TASP1: variants seen among roughly 807,000 people sequenced by gnomAD.
TASP1 encodes taspase 1.
A neutral mutation model predicts 56.6 loss-of-function variants in TASP1; 16 were observed. That is an observed-to-expected ratio of 0.28 (90% CI 0.19 to 0.43). The LOEUF is 0.43. Ranked by LOEUF, TASP1 falls within the 20% of genes least tolerant of loss-of-function variation. The pLI is 1.00. For synonymous variants in TASP1, 179 were observed against 184.2 expected, an observed-to-expected ratio of 0.97 and a Z score of 0.23; for missense variants, 393 against 511.6, an observed-to-expected ratio of 0.77 and a Z score of 2.24.
intron 10 of TASP1, among the ~76,000 whole-genome samples, chr20:13,505,343 G>A (rs867081665): frequency 6.6e-6 from 1 of 152,046 alleles, no homozygotes; most frequent in Non-Finnish European, 1.5e-5. Context: ...TTTCAACAAT[G>A]GATAGATTAT....
chr20:13,169,812 C>A, the TASP1 span, among the ~76,000 whole-genome samples: 1 of 152,168 alleles, frequency 6.6e-6, no homozygotes, highest in Non-Finnish European at 1.5e-5. Flanking sequence ...TATTCCCCAA[C>A]CCATTTCACT....
At chr20:13,469,588 C>CCA (rs2044395103) in intron 11 of TASP1, among the ~76,000 whole-genome samples, 1 of 151,956 alleles carries the variant, frequency 6.6e-6, no homozygotes, top group Non-Finnish European at 1.5e-5. Flanking sequence ...ATTGAACTTC[C>CCA]CACACACACT....
At chr20:13,136,224 G>T in the TASP1 span, among the ~76,000 whole-genome samples, 1 of 152,076 alleles carries the variant, frequency 6.6e-6, no homozygotes, top group South Asian at 2.1e-4. Flanking sequence ...AAAGGAAGGA[G>T]AAAACTAAAG....
the TASP1 span, among the ~76,000 whole-genome samples, chr20:13,206,248 G>A: frequency 1.3e-5 from 2 of 152,234 alleles, no homozygotes; most frequent in Non-Finnish European, 2.9e-5. Flanking sequence ...CACACACTTG[G>A]TGGCATCTTC....
chr20:13,403,870 A>G (rs1043506716), intron 13 of TASP1, among the ~76,000 whole-genome samples: 7 of 152,152 alleles, frequency 4.6e-5, no homozygotes, highest in Non-Finnish European at 8.8e-5. Flanking sequence ...TGACAGAGCA[A>G]GAGCCTATCT....
the TASP1 span, among the ~76,000 whole-genome samples, chr20:13,355,036 T>C: frequency 0.011 from 1,613 of 152,114 alleles, 32 homozygotes; most frequent in African/African-American, 0.036. Flanking sequence ...TAGCTCAAGA[T>C]TGTGATGTTA....
At chr20:13,417,571 A>C (rs2042299638) in intron 12 of TASP1, 50 bp from the exon 13 acceptor site, 1 of 1,599,696 alleles carries the variant, frequency 6.3e-7, no homozygotes. Flanking sequence ...CAGATGGAAA[A>C]TAAATCTTTG....
chr20:13,231,834 C>T, the TASP1 span, among the ~76,000 whole-genome samples: 1 of 152,100 alleles, frequency 6.6e-6, no homozygotes, highest in Non-Finnish European at 1.5e-5. Flanking sequence ...TTTGAGTACC[C>T]CAATCACCAA....
the TASP1 span, among the ~76,000 whole-genome samples, chr20:13,246,119 AAG>A: frequency 2.6e-5 from 4 of 151,382 alleles, no homozygotes; most frequent in Non-Finnish European, 5.9e-5. Flanking sequence ...ATACACAAAA[AAG>A]AATTAGTCGG....
intron 11 of TASP1, among the ~76,000 whole-genome samples, chr20:13,439,966 G>T (rs2043158493): frequency 6.6e-6 from 1 of 151,980 alleles, no homozygotes; most frequent in African/African-American, 2.4e-5. Context: ...CATGAAAAAG[G>T]GGCCCCACGA....
chr20:13,162,611 A>G, the TASP1 span, among the ~76,000 whole-genome samples: 95 of 152,356 alleles, frequency 6.2e-4, no homozygotes, highest in African/African-American at 2.2e-3. Flanking sequence ...CCACATTTGG[A>G]CAAGACAGAG....
At chr20:13,628,318 A>T (rs1407538269) in intron 2 of TASP1, among the ~76,000 whole-genome samples, 1 of 152,126 alleles carries the variant, frequency 6.6e-6, no homozygotes, top group Admixed American at 6.5e-5. Flanking sequence ...CTTTCCAAAC[A>T]CTCACTCTGA....
chr20:13,110,532 C>A, the TASP1 span, among the ~76,000 whole-genome samples: 1 of 152,110 alleles, frequency 6.6e-6, no homozygotes, highest in Non-Finnish European at 1.5e-5. Context: ...AAAGGCGTTT[C>A]GCAGCTGGGT....
At chr20:13,444,428 A>G (rs1242527204) in intron 11 of TASP1, among the ~76,000 whole-genome samples, 1 of 152,152 alleles carries the variant, frequency 6.6e-6, no homozygotes, top group Non-Finnish European at 1.5e-5. Flanking sequence ...TTACATATCT[A>G]TGGAGAAAAA....
the TASP1 span, among the ~76,000 whole-genome samples, chr20:13,140,125 T>C: frequency 2.6e-5 from 4 of 152,184 alleles, no homozygotes; most frequent in Non-Finnish European, 5.9e-5. Flanking sequence ...CTGGAAGTCA[T>C]GCCAGAGGAG....
the TASP1 span, among the ~76,000 whole-genome samples, chr20:13,116,898 C>T: frequency 6.9e-6 from 1 of 145,388 alleles, no homozygotes. Flanking sequence ...CTGATGTTCA[C>T]TCAACTTTCT....
At chr20:13,637,204 T>C (rs1020418532) in intron 1 of TASP1, among the ~76,000 whole-genome samples, 7 of 152,208 alleles carry the variant, frequency 4.6e-5, no homozygotes, top group African/African-American at 1.2e-4. Context: ...GCTACCACTT[T>C]ATAAGCACTA....
the TASP1 span, among the ~76,000 whole-genome samples, chr20:13,344,145 A>G: frequency 6.6e-6 from 1 of 152,070 alleles, no homozygotes; most frequent in East Asian, 1.9e-4. Context: ...GTGTGACACC[A>G]ATAGGACTCT....
chr20:13,391,446 C>T (rs2041272631), intron 13 of TASP1, among the ~76,000 whole-genome samples: 1 of 152,170 alleles, frequency 6.6e-6, no homozygotes, highest in South Asian at 2.1e-4. Flanking sequence ...AGAGGGGCTG[C>T]ATAAACTTCA....
Sources: allele counts gnomAD v4.1 joint callset (sites outside exome capture counted in the v4.1 genomes callset), GRCh38; gene constraint gnomAD v4.1.1; transcripts MANE v1.5; gene names NCBI Gene and HGNC (gene_info 2026-07-23, HGNC 2026-07-21).